The following SLMAP variants were observed in gnomAD, a reference collection of about 807,000 sequenced individuals.
SLMAP encodes sarcolemma associated protein.
A neutral mutation model predicts 128.8 loss-of-function variants in SLMAP; 44 were observed. The ratio of observed to expected loss-of-function variants is 0.34; its 90% CI spans 0.27 to 0.44. The LOEUF is 0.44. Ranked by LOEUF, SLMAP falls within the 20% of genes least tolerant of loss-of-function variation. The pLI, the probability that SLMAP is intolerant of heterozygous loss-of-function variation, is 1.00. For missense variants in SLMAP, 787 were observed against 985.3 expected (o/e 0.80, Z 2.69); for synonymous variants, 327 against 348.8 (o/e 0.94, Z 0.70).
intron 4 of SLMAP, among the ~76,000 whole-genome samples, chr3:57,844,250 C>T (rs956735498): frequency 6.6e-6 from 1 of 151,856 alleles, no homozygotes; most frequent in Admixed American, 6.6e-5. Flanking sequence ...AAAAATTAGC[C>T]GGGCGTGGTG....
intron 19 of SLMAP, 103 bp downstream of exon 19, chr3:57,909,253 A>G: frequency 3.9e-6 from 3 of 775,954 alleles, no homozygotes; most frequent in Non-Finnish European, 6.4e-6. Context: ...CTGCAATCCC[A>G]GCATTTGGGA....
At chr3:57,818,258 C>T (rs1560100699) in intron 2 of SLMAP, among the ~76,000 whole-genome samples, 2 of 152,128 alleles carry the variant, frequency 1.3e-5, no homozygotes, top group East Asian at 1.9e-4. Flanking sequence ...CGGGTTCAAG[C>T]GATTCTCCTG....
At position 57,929,216 on chromosome 3, in the gene SLMAP, T is replaced by C. The variant is rs2097047535; in HGVS notation, c.*1927T>C. 1 of 152,650 alleles carries C rather than the reference T, an allele frequency of 6.6e-6. No individual in the cohort carries two copies. The allele number at this position is 152,650 out of a possible 1,614,324, so 9.5% of individuals were successfully genotyped here. On this transcript the variant is annotated 3_prime_UTR_variant, in exon 25 of 25. Coordinates refer to ENST00000671191, the MANE Select transcript of SLMAP (RefSeq NM_001377540.1). ...TTGAAGTTCTTAATGCTGACTCTAC[T>C]ATTGGGTTGTTAATAGTCTTCTCTT...
chr3:57,775,239 A>G (rs1362491392), intron 2 of SLMAP, among the ~76,000 whole-genome samples: 1 of 151,628 alleles, frequency 6.6e-6, no homozygotes, highest in Non-Finnish European at 1.5e-5. Context: ...TATTTTTAGT[A>G]GAGACGGGGT....
At chr3:57,892,295 A>G (rs1324863949) in intron 15 of SLMAP, among the ~76,000 whole-genome samples, 1 of 152,198 alleles carries the variant, frequency 6.6e-6, no homozygotes. Context: ...TAAATGAACA[A>G]TTACCGACTG....
chr3:57,802,059 C>A (rs1158094160), intron 2 of SLMAP, among the ~76,000 whole-genome samples: 1 of 152,038 alleles, frequency 6.6e-6, no homozygotes, highest in Non-Finnish European at 1.5e-5. Context: ...TTAAAAACAG[C>A]TTTATTGAGA....
intron 23 of SLMAP, among the ~76,000 whole-genome samples, chr3:57,924,966 T>TG (rs1032597247): frequency 4.0e-5 from 6 of 151,456 alleles, no homozygotes; most frequent in African/African-American, 1.5e-4. Flanking sequence ...TGTTTTTTTT[T>TG]TTTTTGGTGA....
intron 17 of SLMAP, among the ~76,000 whole-genome samples, chr3:57,904,211 A>G (rs561782217): frequency 1.2e-4 from 18 of 152,286 alleles, no homozygotes; most frequent in African/African-American, 3.6e-4. Flanking sequence ...ATCAAACACT[A>G]TAGAGTTCAA....
intron 17 of SLMAP, among the ~76,000 whole-genome samples, chr3:57,905,287 C>A (rs1170712232): frequency 6.6e-6 from 1 of 151,296 alleles, no homozygotes; most frequent in Non-Finnish European, 1.5e-5. Context: ...CCTTTTTTTT[C>A]TTTTTCTTTT....
chr3:57,872,568 G>A (rs997685775), intron 14 of SLMAP, among the ~76,000 whole-genome samples: 1 of 152,154 alleles, frequency 6.6e-6, no homozygotes, highest in South Asian at 2.1e-4. Context: ...GCAGTGAGCC[G>A]AGGTCGTGCC....
At chr3:57,857,608 A>C in intron 6 of SLMAP, 125 bp from the exon 7 acceptor site, 1 of 666,376 alleles carries the variant, frequency 1.5e-6, no homozygotes, top group Admixed American at 2.8e-5. Context: ...ATCAAGTTTC[A>C]CTACTTTAAA....
rs755478717 is a variant in SLMAP at position 57,864,568 on chromosome 3, G to A, written c.987G>A (p.Glu329=). 6 of 1,571,990 alleles carry A rather than the reference G, an allele frequency of 3.8e-6. No individual in the cohort carries two copies. The highest frequency in any genetic ancestry group is 2.1e-5 in the Admixed American group (1 of 46,704). The change falls in exon 11 of 25, where the codon GAG becomes GAA. Residue 329 remains glutamate (E), a synonymous_variant. Transcript: ENST00000671191. The stretch of plus-strand genomic sequence containing the variant: ...TCTAGGTAGCAGAGGGAAAACAAGA[G>A]GAAATCCAACAGAAGGGACAGGCTG... The part of the protein sequence containing the change: ...DKLKVAEGKQ[E]EIQQKGQAEK...
rs2091138389 is a variant in SLMAP at position 57,812,368 on chromosome 3, A to G, written c.199-19015A>G. Among the ~76,000 whole-genome samples the G allele has an allele frequency of 2.0e-5, 3 of 152,112 alleles. No individual in the cohort carries two copies. In the South Asian group the frequency reaches 6.2e-4, roughly 31 times the overall value. On this transcript the variant is annotated intron_variant, in intron 2 of 24. Transcript: ENST00000671191. ...AATGATCTTGGCACCCTTGGACATAATCTTTTGACTGTATATGTGAATGTT... is the reference window on the plus strand; with the variant it reads ...AATGATCTTGGCACCCTTGGACATAGTCTTTTGACTGTATATGTGAATGTT...
At chr3:57,830,234 CTGA>C (rs2093248368) in intron 2 of SLMAP, among the ~76,000 whole-genome samples, 1 of 152,178 alleles carries the variant, frequency 6.6e-6, no homozygotes, top group East Asian at 1.9e-4. Context: ...TCTCGAACCT[CTGA>C]CCTCAAGTGA....
chr3:57,817,925 G>C (rs1255601871), intron 2 of SLMAP, among the ~76,000 whole-genome samples: 2 of 152,148 alleles, frequency 1.3e-5, no homozygotes, highest in African/African-American at 4.8e-5. Context: ...TTACCATTGT[G>C]ACTATAGATA....
chr3:57,874,412 A>G (rs1355779731), intron 14 of SLMAP, among the ~76,000 whole-genome samples: 1 of 152,140 alleles, frequency 6.6e-6, no homozygotes, highest in Admixed American at 6.5e-5. Flanking sequence ...CTCAGTTACA[A>G]TTTGCAAAAA....
At chr3:57,790,514 T>G (rs917298225) in intron 2 of SLMAP, among the ~76,000 whole-genome samples, 11 of 152,224 alleles carry the variant, frequency 7.2e-5, no homozygotes, top group African/African-American at 1.4e-4. Context: ...GATATATATT[T>G]TGTGAATTAT....
chr3:57,843,365 G>A (rs116606055), intron 4 of SLMAP, among the ~76,000 whole-genome samples: 1,728 of 126,188 alleles, frequency 0.014, 27 homozygotes, highest in African/African-American at 0.049. Context: ...AGGCTGGAGT[G>A]TAGTAATCTC....
At chr3:57,777,104 TG>T (rs1442212473) in intron 2 of SLMAP, among the ~76,000 whole-genome samples, 3 of 52,784 alleles carry the variant, frequency 5.7e-5, no homozygotes, top group South Asian at 1.3e-3. Flanking sequence ...TGACTTTTTT[TG>T]GGGGGAGGGG....
Sources: gnomAD v4.1 joint callset for allele counts (sites outside exome capture counted in the v4.1 genomes callset) on GRCh38, gnomAD v4.1.1 for gene constraint, MANE v1.5 for transcripts, NCBI Gene and HGNC (gene_info 2026-07-23, HGNC 2026-07-21) for gene names.